Variants in NSMCE2 observed in about 807,000 individuals in gnomAD.
The protein encoded by NSMCE2 is E3 SUMO-protein ligase NSE2.
In NSMCE2, 24 loss-of-function variants were observed where a neutral mutation model predicts 23.8. The observed-to-expected ratio is 1.01, with a 90% CI of 0.73 to 1.42. The LOEUF (loss-of-function observed/expected upper bound fraction) is 1.42. Ranked by LOEUF, NSMCE2 falls within the 40% of genes most tolerant of loss-of-function variation. The pLI is 0.00. For missense variants in NSMCE2, 284 were observed against 296.5 expected (o/e 0.96, Z 0.31); for synonymous variants, 92 against 94.1 (o/e 0.98, Z 0.13).
At chr8:125,319,135 T>C (rs1005343623) in intron 5 of NSMCE2, among the ~76,000 whole-genome samples, 2 of 152,218 alleles carry the variant, frequency 1.3e-5, no homozygotes, top group African/African-American at 4.8e-5. Context: ...TGGTTACTTT[T>C]GCTTCAGTAG....
chr8:125,348,790 A>T (rs1412487999), intron 5 of NSMCE2: 1 of 152,112 alleles, frequency 6.6e-6, no homozygotes, highest in Non-Finnish European at 1.5e-5. Context: ...TGAGTCCATT[A>T]AACTTCTTTC....
intron 5 of NSMCE2, 61 bp from the exon 6 acceptor site, chr8:125,357,158 A>T: frequency 9.0e-7 from 1 of 1,105,550 alleles, no homozygotes; most frequent in Non-Finnish European, 1.4e-6. Context: ...CCTTCCTTCC[A>T]TTCCTTCCTT....
chr8:125,229,064 G>A (rs1200285600), intron 5 of NSMCE2, among the ~76,000 whole-genome samples: 1 of 152,136 alleles, frequency 6.6e-6, no homozygotes, highest in South Asian at 2.1e-4. Context: ...TTTTTATTCA[G>A]TGCTAGCATA....
intron 5 of NSMCE2, among the ~76,000 whole-genome samples, chr8:125,355,977 G>A (rs1270409576): frequency 2.0e-5 from 3 of 152,144 alleles, no homozygotes; most frequent in Non-Finnish European, 4.4e-5. Flanking sequence ...GGGATCTCTA[G>A]GGTGCTCCAA....
chr8:125,129,542 CTCTG>C (rs1819655141), intron 3 of NSMCE2, among the ~76,000 whole-genome samples: 1 of 113,728 alleles, frequency 8.8e-6, no homozygotes, highest in Non-Finnish European at 1.8e-5. Flanking sequence ...AAAGATTTGG[CTCTG>C]TGTGTGTGTG....
chr8:125,342,634 CTCCCTCCCTCTT>C (rs1190683010), intron 5 of NSMCE2, among the ~76,000 whole-genome samples: 1 of 151,898 alleles, frequency 6.6e-6, no homozygotes, highest in Non-Finnish European at 1.5e-5. Context: ...TCCCTCCTCC[CTCCCTCCCTCTT>C]TCCCTCCCTC....
intron 5 of NSMCE2, among the ~76,000 whole-genome samples, chr8:125,281,889 T>C (rs1373336478): frequency 6.6e-6 from 1 of 151,930 alleles, no homozygotes; most frequent in Non-Finnish European, 1.5e-5. Flanking sequence ...AAGTGGGTGA[T>C]TTAAGAATCT....
chr8:125,320,204 A>G (rs9694656), intron 5 of NSMCE2, among the ~76,000 whole-genome samples: 1 of 130,464 alleles, frequency 7.7e-6, no homozygotes, highest in Non-Finnish European at 1.6e-5. Context: ...GAGAGAAAGA[A>G]AGAGAAGGAA....
chr8:125,120,787 A>G (rs1819227895), intron 3 of NSMCE2, among the ~76,000 whole-genome samples: 2 of 152,236 alleles, frequency 1.3e-5, no homozygotes, highest in Admixed American at 6.5e-5. Context: ...GGCAAGCTCC[A>G]AACAGATGTG....
intron 3 of NSMCE2, among the ~76,000 whole-genome samples, chr8:125,147,628 A>C (rs1820762349): frequency 6.6e-6 from 1 of 152,192 alleles, no homozygotes; most frequent in Admixed American, 6.5e-5. Context: ...ATATATTCTC[A>C]AAAAGGGCTT....
At chr8:125,201,649 A>C (rs57905807) in intron 5 of NSMCE2, among the ~76,000 whole-genome samples, 14,258 of 152,284 alleles carry the variant, frequency 0.094, 846 homozygotes, top group South Asian at 0.17. Flanking sequence ...CACAGCGCTC[A>C]GGGACCCACT....
intron 5 of NSMCE2, among the ~76,000 whole-genome samples, chr8:125,251,350 T>C (rs926142268): frequency 8.5e-5 from 13 of 152,218 alleles, no homozygotes; most frequent in African/African-American, 3.1e-4. Flanking sequence ...AAAAGAAAAC[T>C]TAAATTTTTG....
intron 7 of NSMCE2, among the ~76,000 whole-genome samples, chr8:125,365,031 C>T (rs943136382): frequency 9.2e-5 from 14 of 152,158 alleles, no homozygotes; most frequent in African/African-American, 3.4e-4. Flanking sequence ...TCAGAGAAGA[C>T]CACATCGAAG....
intron 5 of NSMCE2, among the ~76,000 whole-genome samples, chr8:125,269,457 GTATCTA>G (rs1827085571): frequency 6.6e-6 from 1 of 152,046 alleles, no homozygotes; most frequent in African/African-American, 2.4e-5. Flanking sequence ...GTTTAACTTT[GTATCTA>G]TGGAGCAAAA....
chr8:125,338,049 T>C (rs1563793237), intron 5 of NSMCE2, among the ~76,000 whole-genome samples: 1 of 152,172 alleles, frequency 6.6e-6, no homozygotes, highest in Non-Finnish European at 1.5e-5. Context: ...GGAATGGATT[T>C]TTGATACTAG....
chr8:125,225,933 G>GC (rs1421081461), intron 5 of NSMCE2, among the ~76,000 whole-genome samples: 1 of 152,184 alleles, frequency 6.6e-6, no homozygotes, highest in East Asian at 1.9e-4. Flanking sequence ...TCCAAAAGAT[G>GC]AATTTTAATG....
chr8:125,352,801 C>G (rs2131355841), intron 5 of NSMCE2, among the ~76,000 whole-genome samples: 1 of 152,268 alleles, frequency 6.6e-6, no homozygotes, highest in Admixed American at 6.5e-5. Flanking sequence ...TATTTATTGC[C>G]AGATGTGACC....
rs548772598 is a variant in NSMCE2, at chr8:125,151,428, A to G, written c.264+151A>G. Reference sequence around the variant, plus strand: ...ATTCCTCTAAATTTGGAAGTCTCATAAAATTGGAATCCTAAGTATTTTCCT... The same window carrying G: ...ATTCCTCTAAATTTGGAAGTCTCATGAAATTGGAATCCTAAGTATTTTCCT... On this transcript the variant is annotated intron_variant, in intron 4 of 7. Transcript: ENST00000287437. The G allele has an allele frequency of 1.2e-4, 56 of 452,804 alleles. 1 individual carries two copies. In the South Asian group the frequency reaches 2.9e-3, roughly 23 times the overall value. 28.0% of individuals were successfully genotyped at this position (452,804 alleles called of 1,614,324 possible).
chr8:125,346,016 G>A (rs1278646262), intron 5 of NSMCE2, among the ~76,000 whole-genome samples: 1 of 152,178 alleles, frequency 6.6e-6, no homozygotes, highest in African/African-American at 2.4e-5. Context: ...AATTAGCTGG[G>A]CGTGGTGGCA....
Sources: gnomAD v4.1 joint callset for allele counts (sites outside exome capture counted in the v4.1 genomes callset) on GRCh38, gnomAD v4.1.1 for gene constraint, MANE v1.5 for transcripts, NCBI Gene and HGNC (gene_info 2026-07-23, HGNC 2026-07-21) for gene names.